The following PTER variants were observed in gnomAD, a reference collection of about 807,000 sequenced individuals.
PTER encodes the protein phosphotriesterase related, also known as N-acetyltaurine hydrolase.
PTER carries 38 observed loss-of-function variants against 29.6 expected under a neutral mutation model. The ratio of observed to expected loss-of-function variants is 1.28; its 90% confidence interval spans 0.99 to 1.68. PTER has a LOEUF of 1.68. Ranked by LOEUF, PTER falls within the 40% of genes most tolerant of loss-of-function variation. PTER has a pLI of 0.00. For synonymous variants in PTER, 172 were observed against 154.5 expected (o/e 1.11, Z -0.84); for missense variants, 482 against 427.8 (o/e 1.13, Z -1.12).
chr10:16,446,587 G>T (rs1834020647), intron 1 of PTER, among the ~76,000 whole-genome samples: 1 of 152,012 alleles, frequency 6.6e-6, no homozygotes, highest in African/African-American at 2.4e-5. Context: ...TCCCATTTGT[G>T]TATTGAATTT....
intron 1 of PTER, among the ~76,000 whole-genome samples, chr10:16,457,544 A>G (rs925970954): frequency 5.9e-5 from 9 of 151,584 alleles, no homozygotes; most frequent in Admixed American, 4.6e-4. Flanking sequence ...TTTCTTCTTT[A>G]GGAAAGCCGT....
At position 16,466,667 on chromosome 10, in the gene PTER, A is replaced by G. The variant is rs530775606; in HGVS notation, c.-48-17670A>G. Among the ~76,000 whole-genome samples the G allele has an allele frequency of 2.0e-4, 30 of 152,266 alleles. No homozygotes were observed. In the South Asian group the frequency reaches 2.1e-3, roughly 11 times the overall value. ...CACTGCACCTGGCCTGATTCTTTTC[A>G]ACTCTGGATTAACAAAACGTGGTAG... is the stretch of plus-strand genomic sequence containing the variant. On this transcript the variant is annotated intron_variant, in intron 1 of 4. Coordinates refer to ENST00000535784, the MANE Select transcript of PTER (RefSeq NM_001261836.2).
chr10:16,470,909 T>G (rs1835026805), intron 1 of PTER, among the ~76,000 whole-genome samples: 1 of 152,234 alleles, frequency 6.6e-6, no homozygotes, highest in Non-Finnish European at 1.5e-5. Flanking sequence ...TGACTGACAC[T>G]TCCTAATTTA....
chr10:16,459,995 G>T (rs868238023), intron 1 of PTER, among the ~76,000 whole-genome samples: 1 of 152,156 alleles, frequency 6.6e-6, no homozygotes, highest in Non-Finnish European at 1.5e-5. Flanking sequence ...TGATCTGCCC[G>T]CCTCGGCCTC....
chr10:16,459,414 G>A (rs1834525418), intron 1 of PTER, among the ~76,000 whole-genome samples: 1 of 152,198 alleles, frequency 6.6e-6, no homozygotes, highest in African/African-American at 2.4e-5. Context: ...CTCCACATTT[G>A]TCTCTGTTTA....
chr10:16,478,553 C>T (rs1360832356), intron 1 of PTER, among the ~76,000 whole-genome samples: 4 of 151,890 alleles, frequency 2.6e-5, no homozygotes, highest in Admixed American at 1.3e-4. Context: ...AGGCTAGTCT[C>T]GAACACCTGA....
rs573343110 is a variant in PTER at position 16,498,716 on chromosome 10, A to T, written c.699-6304A>T. Among the ~76,000 whole-genome samples, 28 of 152,272 alleles carry T rather than the reference A, an allele frequency of 1.8e-4. No individual in the cohort carries two copies. In the South Asian group the frequency reaches 5.4e-3, roughly 29 times the overall value. On this transcript the variant is annotated intron_variant, in intron 3 of 4. Coordinates refer to ENST00000535784, the MANE Select transcript of PTER (RefSeq NM_001261836.2). ...ATCATTGGTGACTGGGAGGGACAGG[A>T]CCTCTGTTTAATCCTCATCTGCTGG...
intron 4 of PTER, among the ~76,000 whole-genome samples, chr10:16,505,877 C>CA (rs1836541613): frequency 6.6e-6 from 1 of 151,962 alleles, no homozygotes; most frequent in Admixed American, 6.6e-5. Context: ...CCAGTGAAGC[C>CA]CTAAGATATG....
intron 2 of PTER, 80 bp from the exon 3 acceptor site, chr10:16,486,272 A>G: frequency 1.5e-6 from 2 of 1,330,838 alleles, no homozygotes. Flanking sequence ...AAAATAAATA[A>G]ATTCATTCAC....
rs751957744 is a variant in PTER at position 16,484,629 on chromosome 10, A to G, written c.245A>G (p.Glu82Gly). 1 of 1,614,054 alleles carries G rather than the reference A, an allele frequency of 6.2e-7. No individual in the cohort carries two copies. Among genetic ancestry groups the G allele is most frequent in the Non-Finnish European group, 8.5e-7 (1 of 1,180,020 alleles). ...AATCAGGAGACAGAAGCCATAAAGG[A>G]AGAACTGTTGTATTTTAAAGCTAAT... Reference protein sequence around the residue: ...QLNQETEAIKEELLYFKANGG... With the variant: ...QLNQETEAIKGELLYFKANGG... The change falls in exon 2 of 5, where the codon GAA becomes GGA. Residue 82 changes from glutamate (E) to glycine (G), a missense_variant. By Grantham distance (98) the Glu-to-Gly change is moderately conservative. Transcript: ENST00000535784.
chr10:16,442,861 A>G (rs7093548), intron 1 of PTER, among the ~76,000 whole-genome samples: 2,564 of 152,198 alleles, frequency 0.017, 63 homozygotes, highest in African/African-American at 0.059. Flanking sequence ...AAGTCCAGCT[A>G]CTCAGGAGGT....
Position 16,486,596 on chromosome 10 carries a change from C to T in PTER, c.677C>T (p.Thr226Ile), listed in dbSNP as rs1835710375. ...GAAGCAGGCGCAGACATCTCCAAAACAGTCATGTCACACCTGGATAGGTAA... is the reference window on the plus strand; with the variant it reads ...GAAGCAGGCGCAGACATCTCCAAAATAGTCATGTCACACCTGGATAGGTAA... The part of the protein sequence containing the change: ...LQEAGADISK[T>I]VMSHLDRTIL... Residue 226 changes from threonine to isoleucine, a missense_variant, in exon 3 of 5, where the codon ACA (threonine) becomes ATA (isoleucine). Thr to Ile is a moderately conservative substitution (Grantham distance 89). Coordinates refer to ENST00000535784, the MANE Select transcript of PTER (RefSeq NM_001261836.2). 1.2e-6 allele frequency: 2 copies of T among 1,613,346 alleles called. No individual in the cohort carries two copies. The highest frequency in any genetic ancestry group is 2.2e-5 in the East Asian group (1 of 44,884).
chr10:16,450,081 T>G (rs1834151627), intron 1 of PTER, among the ~76,000 whole-genome samples: 1 of 152,134 alleles, frequency 6.6e-6, no homozygotes, highest in Admixed American at 6.5e-5. Flanking sequence ...TAATATCCAT[T>G]CCCATGCCTG....
In PTER at chr10:16,445,287, C is replaced by A. The variant is rs1328712602; in HGVS notation, c.-49+8240C>A. 3.3e-5 allele frequency among the ~76,000 whole-genome samples: 5 copies of A among 152,250 alleles called. No individual in the cohort carries two copies. The East Asian group carries it at 9.6e-4, about 29-fold the overall frequency. Reference sequence around the variant, plus strand: ...TGAGGCTGAGCGTGGTGGCTCCTGCCTGTAATCACAGCTACTCAGGAGGCT... The same window carrying A: ...TGAGGCTGAGCGTGGTGGCTCCTGCATGTAATCACAGCTACTCAGGAGGCT... On this transcript the variant is annotated intron_variant, in intron 1 of 4. Transcript: ENST00000535784.
At chr10:16,466,192 G>A (rs1195415210) in intron 1 of PTER, among the ~76,000 whole-genome samples, 1 of 152,100 alleles carries the variant, frequency 6.6e-6, no homozygotes, top group South Asian at 2.1e-4. Flanking sequence ...TTCCCAGGCA[G>A]GTGTCCAGGC....
chr10:16,502,588 T>C (rs1836393535), intron 3 of PTER, among the ~76,000 whole-genome samples: 1 of 152,134 alleles, frequency 6.6e-6, no homozygotes, highest in Non-Finnish European at 1.5e-5. Flanking sequence ...CAGGGTATGA[T>C]AGCTCAGAAT....
At chr10:16,518,218 C>A (rs1453311313), downstream of PTER, among the ~76,000 whole-genome samples, 2 of 152,164 alleles carry the variant, frequency 1.3e-5, no homozygotes, top group African/African-American at 4.8e-5. Context: ...TTTGTAACTG[C>A]CTGCAGACTG....
Position 16,500,842 on chromosome 10 carries a change from G to A in PTER, c.699-4178G>A, listed in dbSNP as rs116518288. 5.6e-3 allele frequency among the ~76,000 whole-genome samples: 848 copies of A among 152,154 alleles called. 9 individuals carry two copies. The highest frequency in any genetic ancestry group is 0.019 in the African/African-American group (775 of 41,516). On this transcript the variant is annotated intron_variant, in intron 3 of 4. Transcript: ENST00000535784. ...TGCAGCCTTGAACTCTTGGGCTCAA[G>A]CAATCCTCCTCACTCAGCCTTTCAA...
chr10:16,511,067 G>A lies in PTER; in HGVS notation c.861G>A (p.Glu287=), dbSNP rs190791269. 1.2e-6 allele frequency: 2 copies of A among 1,613,604 alleles called. No individual in the cohort carries two copies. Among genetic ancestry groups the A allele is most frequent in the Admixed American group, 3.3e-5 (2 of 59,954 alleles). ...RIRRVRLLVE[E]GCEDRILVAH... ...ACAGGGTGCGTCTCCTGGTGGAAGA[G>A]GGCTGTGAAGATCGAATTCTGGTAG... Residue 287 remains glutamate, a synonymous_variant, in exon 5 of 5, where the codon GAG becomes GAA. Transcript: ENST00000535784.
Sources: gnomAD v4.1 joint callset for allele counts (sites outside exome capture counted in the v4.1 genomes callset) on GRCh38, gnomAD v4.1.1 for gene constraint, MANE v1.5 for transcripts, NCBI Gene and HGNC (gene_info 2026-07-23, HGNC 2026-07-21) for gene names.